Variants in TAOK1 observed in about 807,000 individuals in gnomAD.
TAOK1 encodes the protein serine/threonine-protein kinase TAO1.
A neutral mutation model predicts 138.3 loss-of-function variants in TAOK1; 21 were observed. The ratio of observed to expected loss-of-function variants is 0.15; its 90% CI spans 0.11 to 0.22. The LOEUF (loss-of-function observed/expected upper bound fraction) is 0.22. TAOK1 is among the 10% of genes least tolerant of loss of function. The probability of loss-of-function intolerance (pLI) is 1.00; values close to 1 mark genes in which losing one functional copy is unlikely to be tolerated. For synonymous variants in TAOK1, 361 were observed against 398.4 expected, an observed-to-expected ratio of 0.91 and a Z score of 1.12; for missense variants, 651 against 1,227.7, an observed-to-expected ratio of 0.53 and a Z score of 7.02.
At chr17:29,447,369 G>A (rs966106278) in intron 1 of TAOK1, among the ~76,000 whole-genome samples, 2 of 151,996 alleles carry the variant, frequency 1.3e-5, no homozygotes, top group Admixed American at 6.6e-5. Flanking sequence ...GTCTCGCTGT[G>A]TCACCCAGAC....
chr17:29,405,084 A>T (rs2153020453), intron 1 of TAOK1, among the ~76,000 whole-genome samples: 1 of 152,148 alleles, frequency 6.6e-6, no homozygotes, highest in South Asian at 2.1e-4. Context: ...GGTTCAAGTG[A>T]TTCTCCTGCC....
intron 1 of TAOK1, among the ~76,000 whole-genome samples, chr17:29,426,493 A>C (rs74953715): frequency 2.6e-5 from 4 of 152,288 alleles, no homozygotes; most frequent in Admixed American, 6.5e-5. Context: ...GGTAGAAAAA[A>C]AGACATTCTG....
At position 29,414,027 on chromosome 17, in the gene TAOK1, C is replaced by T. The variant is rs533834222; in HGVS notation, c.-95+23003C>T. Among the ~76,000 whole-genome samples the T allele has an allele frequency of 3.3e-5, 5 of 151,348 alleles. No individual in the cohort carries two copies. The South Asian group carries it at 8.4e-4, about 25-fold the overall frequency. On this transcript the variant is annotated intron_variant, in intron 1 of 19. Coordinates refer to ENST00000261716, the MANE Select transcript of TAOK1 (RefSeq NM_020791.4). Reference sequence around the variant, plus strand: ...CCTCCCTAGTAGCTGGGACTATAGGCGCCTGCCACAAAGCCCAGCTAATTT... The same window carrying T: ...CCTCCCTAGTAGCTGGGACTATAGGTGCCTGCCACAAAGCCCAGCTAATTT...
chr17:29,499,218 A>T (rs530550993), intron 12 of TAOK1, among the ~76,000 whole-genome samples: 48 of 149,474 alleles, frequency 3.2e-4, no homozygotes, highest in African/African-American at 1.2e-3. Context: ...TGTTATCCAT[A>T]ATGTTTATAT....
intron 1 of TAOK1, among the ~76,000 whole-genome samples, chr17:29,391,932 A>T (rs1322062216): frequency 6.6e-6 from 1 of 152,162 alleles, no homozygotes; most frequent in Non-Finnish European, 1.5e-5. Context: ...ATGAAGAATT[A>T]TTGGCCTGGC....
At chr17:29,435,964 AC>A (rs1272613533) in intron 1 of TAOK1, among the ~76,000 whole-genome samples, 1 of 152,130 alleles carries the variant, frequency 6.6e-6, no homozygotes, top group Non-Finnish European at 1.5e-5. Context: ...CCCCATCTGT[AC>A]TAAAAATACA....
intron 1 of TAOK1, among the ~76,000 whole-genome samples, chr17:29,442,351 C>G (rs901191486): frequency 6.6e-6 from 1 of 151,586 alleles, no homozygotes; most frequent in Non-Finnish European, 1.5e-5. Context: ...GCCACTGCAC[C>G]CAGCCACTTT....
intron 1 of TAOK1, among the ~76,000 whole-genome samples, chr17:29,423,483 C>T (rs959287783): frequency 4.6e-5 from 7 of 151,900 alleles, no homozygotes; most frequent in Non-Finnish European, 8.8e-5. Flanking sequence ...TCCCAAAGTG[C>T]TGGGATTACA....
At chr17:29,525,691 A>G (rs1199429353) in intron 17 of TAOK1, among the ~76,000 whole-genome samples, 4 of 150,840 alleles carry the variant, frequency 2.7e-5, no homozygotes, top group Non-Finnish European at 5.9e-5. Context: ...CACCGCGCCC[A>G]GCCCAGCACA....
chr17:29,462,250 A>T (rs1039408408), intron 2 of TAOK1, among the ~76,000 whole-genome samples: 7 of 152,218 alleles, frequency 4.6e-5, no homozygotes, highest in African/African-American at 1.4e-4. Context: ...AGGCAAGCTA[A>T]TCAAGGACTG....
chr17:29,549,553 C>CT lies in TAOK1; in HGVS notation c.*6532dup, dbSNP rs559384945. ...TTTTTCTGAGCCCCAAATACATTGC[C>CT]TGGGCATGAACATTGTTACCGTAAA... On this transcript the variant is annotated 3_prime_UTR_variant, in exon 20 of 20. Coordinates refer to ENST00000261716, the MANE Select transcript of TAOK1 (RefSeq NM_020791.4). 14 of 152,268 alleles carry CT rather than the reference C, an allele frequency of 9.2e-5. 1 individual carries two copies. The South Asian group carries it at 2.9e-3, about 32-fold the overall frequency. 9.4% of individuals were successfully genotyped at this position (152,268 alleles called of 1,614,324 possible). A position where few individuals can be genotyped will look rare whatever the true frequency, so the allele number is the denominator to read the frequency against.
chr17:29,456,455 T>G (rs1339988988), intron 2 of TAOK1, among the ~76,000 whole-genome samples: 1 of 150,418 alleles, frequency 6.6e-6, no homozygotes, highest in African/African-American at 2.5e-5. Context: ...TCTTTACTTA[T>G]GATAGGTCTG....
chr17:29,403,293 G>A (rs543861585), intron 1 of TAOK1, among the ~76,000 whole-genome samples: 7 of 151,738 alleles, frequency 4.6e-5, no homozygotes, highest in Admixed American at 1.3e-4. Context: ...ATTTTGGATT[G>A]ATTTGTTACA....
intron 1 of TAOK1, among the ~76,000 whole-genome samples, chr17:29,422,730 C>T (rs761601265): frequency 4.6e-5 from 7 of 152,124 alleles, no homozygotes; most frequent in Non-Finnish European, 8.8e-5. Context: ...ACAGAGTTAC[C>T]TAGCTAGCTT....
chr17:29,496,246 G>A (rs750243968), intron 11 of TAOK1, among the ~76,000 whole-genome samples: 28 of 151,950 alleles, frequency 1.8e-4, no homozygotes, highest in South Asian at 8.3e-4. Context: ...GATTATAGGC[G>A]CGCACCACCA....
chr17:29,393,422 C>T (rs1904490284), intron 1 of TAOK1, among the ~76,000 whole-genome samples: 1 of 151,828 alleles, frequency 6.6e-6, no homozygotes, highest in Non-Finnish European at 1.5e-5. Flanking sequence ...AGGAATGTTG[C>T]CTAAAAGTGG....
At chr17:29,485,026 C>T (rs1393861208) in intron 8 of TAOK1, among the ~76,000 whole-genome samples, 1 of 152,148 alleles carries the variant, frequency 6.6e-6, no homozygotes, top group African/African-American at 2.4e-5. Context: ...AAAAAATTTA[C>T]ATCAATTTTA....
At chr17:29,464,539 C>T (rs116360676) in intron 2 of TAOK1, among the ~76,000 whole-genome samples, 1,632 of 151,580 alleles carry the variant, frequency 0.011, 35 homozygotes, top group African/African-American at 0.037. Context: ...GAATTGTGTA[C>T]ATTAAAATGG....
At chr17:29,427,376 C>T (rs1905674408) in intron 1 of TAOK1, among the ~76,000 whole-genome samples, 1 of 151,728 alleles carries the variant, frequency 6.6e-6, no homozygotes, top group African/African-American at 2.4e-5. Context: ...GGGTGGATCA[C>T]TTGAGGTCAG....
Sources: gnomAD v4.1 joint callset for allele counts (sites outside exome capture counted in the v4.1 genomes callset) on GRCh38, gnomAD v4.1.1 for gene constraint, MANE v1.5 for transcripts, NCBI Gene and HGNC (gene_info 2026-07-23, HGNC 2026-07-21) for gene names.